Variants in SEC14L1 observed in about 807,000 individuals in gnomAD.
SEC14L1 encodes the protein SEC14-like protein 1.
A neutral mutation model predicts 85.3 loss-of-function variants in SEC14L1; 48 were observed. The ratio of observed to expected loss-of-function variants is 0.56; its 90% CI spans 0.45 to 0.72. The LOEUF (loss-of-function observed/expected upper bound fraction) is 0.72. Ranked by LOEUF, SEC14L1 falls within the 30% of genes least tolerant of loss-of-function variation. The pLI is 0.00. For synonymous variants in SEC14L1, 391 were observed against 355.5 expected (o/e 1.10, Z -1.12); for missense variants, 682 against 921.4 (o/e 0.74, Z 3.36).
chr17:77,208,435 G>A (rs1440366519), intron 13 of SEC14L1, among the ~76,000 whole-genome samples: 1 of 152,136 alleles, frequency 6.6e-6, no homozygotes, highest in Non-Finnish European at 1.5e-5. Flanking sequence ...CTGCCTCACC[G>A]CGTTGTGCCT....
intron 3 of SEC14L1, 166 bp downstream of exon 3, chr17:77,143,825 T>A (rs1973160407): frequency 2.2e-6 from 1 of 455,990 alleles, no homozygotes; most frequent in Admixed American, 4.3e-5. Flanking sequence ...GTTTTTAAAA[T>A]ACAAGCCTCT....
At position 77,118,044 on chromosome 17, in the gene SEC14L1, G is replaced by A. The variant is rs117231539; in HGVS notation, c.-135-24602G>A. ...TCAGCTTCAGGGTCAACTGGACAGC[G>A]GGAATCATTTGATTTTTTCCATCTG... is the stretch of plus-strand genomic sequence containing the variant. On this transcript the variant is annotated intron_variant, in intron 3 of 19. Transcript: ENST00000392476. Among the ~76,000 whole-genome samples the A allele has an allele frequency of 2.0e-3, 302 of 152,360 alleles. 4 individuals are homozygous for A. The East Asian group carries it at 0.024, about 12-fold the overall frequency.
chr17:77,126,760 C>A (rs559672876), intron 3 of SEC14L1, among the ~76,000 whole-genome samples: 1 of 152,200 alleles, frequency 6.6e-6, no homozygotes, highest in African/African-American at 2.4e-5. Flanking sequence ...AGCAAGCCAG[C>A]CTTGCCCTTC....
intron 3 of SEC14L1, among the ~76,000 whole-genome samples, chr17:77,182,498 T>G (rs142461276): frequency 1.6e-3 from 237 of 152,330 alleles, no homozygotes; most frequent in Non-Finnish European, 2.9e-3. Flanking sequence ...CTGAAACAAT[T>G]GCTGTGTAAA....
In SEC14L1 at chr17:77,152,295, G is replaced by A. The variant is rs190090270; in HGVS notation, c.63+8636G>A. ...TCATGCCTGTAATCCCAGCCCTTTG[G>A]GAGGCTGAGGCGGGTGGATCATTTG... On this transcript the variant is annotated intron_variant, in intron 3 of 16. Transcript: ENST00000436233. Among the ~76,000 whole-genome samples the A allele has an allele frequency of 5.2e-4, 79 of 152,224 alleles. 1 individual carries two copies. The highest frequency in any genetic ancestry group is 1.7e-3 in the African/African-American group (71 of 41,532).
At chr17:77,158,615 T>C (rs1248966147) in intron 3 of SEC14L1, among the ~76,000 whole-genome samples, 1 of 150,426 alleles carries the variant, frequency 6.6e-6, no homozygotes, top group Non-Finnish European at 1.5e-5. Flanking sequence ...ATTCCCTTCC[T>C]CTTCAGGGGT....
At position 77,206,112 on chromosome 17, in the gene SEC14L1, A is replaced by T; in HGVS notation, c.1170-117A>T. On this transcript the variant is annotated intron_variant, in intron 11 of 16. Transcript: ENST00000436233. This position sits in a 1 kb window ranked among gnomAD's most constrained non-coding sequence, Gnocchi z 4.3. Reference sequence around the variant, plus strand: ...ACTATACATAGCACTATAATTTAAAAAAATTGATTATGATGTATTTGGAAA... The same window carrying T: ...ACTATACATAGCACTATAATTTAAATAAATTGATTATGATGTATTTGGAAA... The T allele has an allele frequency of 9.8e-7, 1 of 1,015,342 alleles. No individual in the cohort carries two copies. The highest frequency in any genetic ancestry group is 1.6e-5 in the African/African-American group (1 of 61,764). The allele number at this position is 1,015,342 out of a possible 1,614,324, so 62.9% of individuals were successfully genotyped here. A position where few individuals can be genotyped will look rare whatever the true frequency, so the allele number is the denominator to read the frequency against.
At chr17:77,169,636 C>T (rs915690086) in intron 3 of SEC14L1, among the ~76,000 whole-genome samples, 4 of 151,992 alleles carry the variant, frequency 2.6e-5, no homozygotes, top group African/African-American at 2.4e-5. Flanking sequence ...ACTATAGTTT[C>T]GTCATGGGGT....
chr17:77,212,603 C>T, intron 15 of SEC14L1: 1 of 191,894 alleles, frequency 5.2e-6, no homozygotes, highest in Admixed American at 5.5e-5. Flanking sequence ...ATTACCAAAC[C>T]TTCTAATTTG....
chr17:77,151,168 C>CAA (rs1973539299), intron 3 of SEC14L1, among the ~76,000 whole-genome samples: 1 of 152,090 alleles, frequency 6.6e-6, no homozygotes, highest in Admixed American at 6.5e-5. Context: ...ACTTAAAACC[C>CAA]AACTTTGTTC....
chr17:77,167,785 C>CA, intron 3 of SEC14L1, among the ~76,000 whole-genome samples: 1 of 152,276 alleles, frequency 6.6e-6, no homozygotes, highest in East Asian at 1.9e-4. Context: ...GGGGAGGGTA[C>CA]ACAGGGTTAC....
At chr17:77,089,527 C>G (rs569292357) in intron 2 of SEC14L1, 10 of 489,616 alleles carry the variant, frequency 2.0e-5, no homozygotes, top group South Asian at 1.5e-4. Context: ...TAGTTAGTAT[C>G]AGAGAGCCCT....
At position 77,215,569 on chromosome 17, in the gene SEC14L1, G is replaced by A. The variant is rs750861142; in HGVS notation, c.*1546G>A. 1.1e-4 allele frequency: 106 copies of A among 986,510 alleles called. No homozygotes were observed. The highest frequency in any genetic ancestry group is 1.8e-4 in the Admixed American group (3 of 16,540). 61.1% of individuals were successfully genotyped at this position (986,510 alleles called of 1,614,324 possible). ...GAGGGACCGAGCAGCCCTCTTGCCC[G>A]GTCGGGTCAGCCCTAGTGGCTGCCT... On this transcript the variant is annotated 3_prime_UTR_variant, in exon 17 of 17. Coordinates refer to ENST00000436233, the MANE Select transcript of SEC14L1 (RefSeq NM_001143998.2).
At chr17:77,140,920 C>G (rs1972974762), upstream of SEC14L1, 1 of 151,394 alleles carries the variant, frequency 6.6e-6, no homozygotes, top group Admixed American at 6.6e-5. Flanking sequence ...CCCCGCCCAC[C>G]CCGTCACCCG....
At chr17:77,168,868 G>A (rs1974404508) in intron 3 of SEC14L1, among the ~76,000 whole-genome samples, 1 of 152,088 alleles carries the variant, frequency 6.6e-6, no homozygotes, top group South Asian at 2.1e-4. Flanking sequence ...TTTGTTTATA[G>A]TTGACCACCA....
rs1012919596 is a variant in SEC14L1 at position 77,195,678 on chromosome 17, G to A, written c.710-524G>A. Among the ~76,000 whole-genome samples the A allele has an allele frequency of 3.3e-5, 5 of 152,012 alleles. No homozygotes were observed. The East Asian group carries it at 7.8e-4, about 24-fold the overall frequency. On this transcript the variant is annotated intron_variant, in intron 7 of 16. Transcript: ENST00000436233. ...AATTTTTATATTCCTAGTAGAGACG[G>A]GGTTTCACCATGTTGGCCAGGCTTG...
chr17:77,187,908 C>G (rs926724236), intron 3 of SEC14L1, among the ~76,000 whole-genome samples: 3 of 151,808 alleles, frequency 2.0e-5, no homozygotes, highest in African/African-American at 7.3e-5. Context: ...CCACACCTGG[C>G]TAATTTTTAT....
At chr17:77,198,342 T>A (rs1975919612) in intron 8 of SEC14L1, among the ~76,000 whole-genome samples, 1 of 152,110 alleles carries the variant, frequency 6.6e-6, no homozygotes, top group Non-Finnish European at 1.5e-5. Context: ...AAAACCAATC[T>A]CCAATAGGCT....
At chr17:77,202,137 A>G (rs1414189210) in intron 9 of SEC14L1, among the ~76,000 whole-genome samples, 1 of 152,148 alleles carries the variant, frequency 6.6e-6, no homozygotes. Context: ...ATAGGGCAGT[A>G]TGATAGGAGT....
Sources: allele counts gnomAD v4.1 joint callset (sites outside exome capture counted in the v4.1 genomes callset), GRCh38; gene constraint gnomAD v4.1.1; non-coding constraint Gnocchi (gnomAD v3.1); transcripts MANE v1.5; gene names NCBI Gene and HGNC (gene_info 2026-07-23, HGNC 2026-07-21).